CECR2: variants seen among roughly 807,000 people sequenced by gnomAD.
CECR2 encodes the protein chromatin remodeling regulator CECR2.
Under a neutral mutation model 154.5 loss-of-function variants are expected in CECR2, and 30 were observed. The ratio of observed to expected loss-of-function variants is 0.19; its 90% confidence interval spans 0.15 to 0.26. The LOEUF is 0.26. Among genes scored for constraint, CECR2 ranks in the 10% least tolerant of loss-of-function variants. The pLI, the probability that CECR2 is intolerant of heterozygous loss-of-function variation, is 1.00. For synonymous variants in CECR2, 725 were observed against 683.7 expected (o/e 1.06, Z -0.94); for missense variants, 1,743 against 1,829.3 (o/e 0.95, Z 0.86).
intron 1 of CECR2, among the ~76,000 whole-genome samples, chr22:17,443,821 A>C (rs1258138539): frequency 6.6e-6 from 1 of 152,080 alleles, no homozygotes; most frequent in Non-Finnish European, 1.5e-5. Context: ...GATCAGCCTG[A>C]CAAGCTGAGG....
At chr22:17,443,850 A>G (rs2054618742) in intron 1 of CECR2, among the ~76,000 whole-genome samples, 1 of 152,158 alleles carries the variant, frequency 6.6e-6, no homozygotes, top group Non-Finnish European at 1.5e-5. Context: ...AAAAGTTGAT[A>G]GAGGCACGGA....
At chr22:17,374,167 T>C (rs2063090939) in intron 1 of CECR2, among the ~76,000 whole-genome samples, 1 of 152,200 alleles carries the variant, frequency 6.6e-6, no homozygotes, top group South Asian at 2.1e-4. Context: ...AAATAATCTG[T>C]CCTGTCTACC....
Position 17,476,986 on chromosome 22 carries a change from T to TA in CECR2, c.127-601dup, listed in dbSNP as rs1324191158. 5 of 598,716 alleles carry TA rather than the reference T, an allele frequency of 8.4e-6. No homozygotes were observed. The African/African-American group carries it at 9.2e-5, about 11-fold the overall frequency. The allele number at this position is 598,716 out of a possible 1,614,324, so 37.1% of individuals were successfully genotyped here. Reference sequence around the variant, plus strand: ...AAAGCAAAGACATTCACAGAGACGTTACCTCATTCTGTTTAGATGATGTAA... The same window carrying TA: ...AAAGCAAAGACATTCACAGAGACGTTAACCTCATTCTGTTTAGATGATGTAA... On this transcript the variant is annotated intron_variant, in intron 1 of 18. Coordinates refer to ENST00000262608, the MANE Select transcript of CECR2 (RefSeq NM_001290047.2).
chr22:17,402,999 C>T (rs2053920392), intron 1 of CECR2, among the ~76,000 whole-genome samples: 1 of 152,192 alleles, frequency 6.6e-6, no homozygotes, highest in Admixed American at 6.5e-5. Context: ...GGCGATCCAC[C>T]CGCCTCGGCC....
chr22:17,553,839 G>C lies in CECR2; in HGVS notation c.*999G>C, dbSNP rs1010362221. ...ACCTCCCTGTCAGGACTGTGATCTA[G>C]AAGGCATCACACACAGCTTTCTGGC... On this transcript the variant is annotated 3_prime_UTR_variant, in exon 19 of 19. Coordinates refer to ENST00000262608, the MANE Select transcript of CECR2 (RefSeq NM_001290047.2). The C allele has an allele frequency of 1.3e-5, 2 of 152,192 alleles. No individual in the cohort carries two copies. Among genetic ancestry groups the C allele is most frequent in the African/African-American group, 4.8e-5 (2 of 41,426 alleles). 9.4% of individuals were successfully genotyped at this position (152,192 alleles called of 1,614,324 possible). A position where few individuals can be genotyped will look rare whatever the true frequency, so the allele number is the denominator to read the frequency against.
intron 1 of CECR2, among the ~76,000 whole-genome samples, chr22:17,463,464 G>A (rs2054975620): frequency 6.6e-6 from 1 of 152,100 alleles, no homozygotes; most frequent in Non-Finnish European, 1.5e-5. Flanking sequence ...CCATGGAGAT[G>A]GTGTGAGAAG....
intron 8 of CECR2, among the ~76,000 whole-genome samples, chr22:17,517,101 A>T (rs943435223): frequency 2.2e-4 from 33 of 150,042 alleles, no homozygotes; most frequent in African/African-American, 8.1e-4. Flanking sequence ...CTGGTCTCGA[A>T]CTCCTGACCT....
chr22:17,454,328 C>T (rs1045137073), intron 1 of CECR2, among the ~76,000 whole-genome samples: 38 of 151,606 alleles, frequency 2.5e-4, no homozygotes, highest in African/African-American at 9.0e-4. Flanking sequence ...GGCGTGGTGG[C>T]TCATACCTGT....
At chr22:17,436,490 C>T (rs2054509344) in intron 1 of CECR2, among the ~76,000 whole-genome samples, 1 of 152,216 alleles carries the variant, frequency 6.6e-6, no homozygotes, top group Admixed American at 6.5e-5. Flanking sequence ...GGTCTTTCAT[C>T]AGATGCTTAA....
intron 1 of CECR2, among the ~76,000 whole-genome samples, chr22:17,415,323 C>T (rs2054140908): frequency 6.6e-6 from 1 of 152,140 alleles, no homozygotes. Flanking sequence ...CTGCAACCTC[C>T]ACCTCCCAGG....
chr22:17,392,100 G>A (rs1007787438), intron 1 of CECR2, among the ~76,000 whole-genome samples: 1 of 152,184 alleles, frequency 6.6e-6, no homozygotes, highest in Non-Finnish European at 1.5e-5. Context: ...GTGAGCCACC[G>A]CGTCTGGCCG....
chr22:17,372,085 A>G (rs1490310666), intron 1 of CECR2, among the ~76,000 whole-genome samples: 1 of 152,178 alleles, frequency 6.6e-6, no homozygotes, highest in Non-Finnish European at 1.5e-5. Context: ...TTTCTTGGAA[A>G]TGACACTTTT....
At chr22:17,475,283 T>C (rs970036853) in intron 1 of CECR2, among the ~76,000 whole-genome samples, 10 of 152,138 alleles carry the variant, frequency 6.6e-5, no homozygotes, top group African/African-American at 1.2e-4. Context: ...TCACTGTAAT[T>C]GTAGAAACCA....
intron 1 of CECR2, chr22:17,419,053 C>G (rs777132906): frequency 1.2e-5 from 2 of 161,462 alleles, no homozygotes; most frequent in African/African-American, 4.8e-5. Flanking sequence ...TTCCCAGACG[C>G]GGATGACGTG....
At chr22:17,519,137 T>C (rs1056899107) in intron 8 of CECR2, 8 of 154,496 alleles carry the variant, frequency 5.2e-5, no homozygotes, top group African/African-American at 9.7e-5. Context: ...CAAGATGTCA[T>C]AGTAAGTGGT....
At chr22:17,509,395 T>C (rs2055901192) in intron 7 of CECR2, among the ~76,000 whole-genome samples, 1 of 151,772 alleles carries the variant, frequency 6.6e-6, no homozygotes, top group African/African-American at 2.4e-5. Flanking sequence ...GATAAGTTTC[T>C]TGATACCATT....
chr22:17,428,418 G>T (rs2054364164), intron 1 of CECR2: 1 of 152,048 alleles, frequency 6.6e-6, no homozygotes, highest in Non-Finnish European at 1.5e-5. Flanking sequence ...CCTTCAGAGT[G>T]CACAGTACTT....
intron 1 of CECR2, among the ~76,000 whole-genome samples, chr22:17,448,970 C>T (rs1486910584): frequency 6.6e-6 from 1 of 152,064 alleles, no homozygotes; most frequent in African/African-American, 2.4e-5. Context: ...CCTCTGCCTC[C>T]TGGATTCAAG....
chr22:17,432,659 A>G (rs5992700), intron 1 of CECR2, among the ~76,000 whole-genome samples: 5,844 of 152,216 alleles, frequency 0.038, 362 homozygotes, highest in African/African-American at 0.13. Context: ...TTTAAGAGAC[A>G]GAGTTTTGCT....
Sources: allele counts gnomAD v4.1 joint callset (sites outside exome capture counted in the v4.1 genomes callset), GRCh38; gene constraint gnomAD v4.1.1; transcripts MANE v1.5; gene names NCBI Gene and HGNC (gene_info 2026-07-23, HGNC 2026-07-21).